Variants in FGGY observed in about 807,000 individuals in gnomAD.
FGGY encodes the protein FGGY carbohydrate kinase domain-containing protein.
In FGGY, 72 loss-of-function variants were observed where a neutral mutation model predicts 71.3. The ratio of observed to expected loss-of-function variants is 1.01; its 90% confidence interval spans 0.84 to 1.23. The LOEUF (loss-of-function observed/expected upper bound fraction) is 1.23. Among genes scored for constraint, FGGY ranks in the 50% most tolerant of loss-of-function variants. The pLI is 0.00. For synonymous variants in FGGY, 251 were observed against 250.3 expected (o/e 1.00, Z -0.02); for missense variants, 668 against 682.3 (o/e 0.98, Z 0.23).
chr1:59,456,929 C>T, intron 5 of FGGY, 32 bp from the exon 6 acceptor site: 1 of 1,502,928 alleles, frequency 6.7e-7, no homozygotes, highest in Non-Finnish European at 9.3e-7. Context: ...CTCATATGGT[C>T]AGTTCTATCT....
At chr1:59,474,310 C>G (rs1205760866) in intron 6 of FGGY, 1 of 152,218 alleles carries the variant, frequency 6.6e-6, no homozygotes, top group Non-Finnish European at 1.5e-5. Context: ...ACTTCTCTTC[C>G]TACTGCTGGA....
intron 11 of FGGY, among the ~76,000 whole-genome samples, chr1:59,648,770 A>C (rs2097126126): frequency 6.6e-6 from 1 of 151,750 alleles, no homozygotes; most frequent in East Asian, 1.9e-4. Context: ...CCCATTTGTC[A>C]ATTTTGGCTT....
chr1:59,625,879 G>A (rs762608336), intron 9 of FGGY, 109 bp from the exon 10 acceptor site: 53 of 768,058 alleles, frequency 6.9e-5, no homozygotes, highest in Middle Eastern at 3.7e-4. Context: ...CTTGGAACCC[G>A]TATGGACAAA....
chr1:59,323,543 T>C (rs980938259), intron 2 of FGGY, among the ~76,000 whole-genome samples: 2 of 152,168 alleles, frequency 1.3e-5, no homozygotes, highest in Admixed American at 6.5e-5. Flanking sequence ...GGGAAGCATT[T>C]TTATGTTAGA....
intron 11 of FGGY, among the ~76,000 whole-genome samples, chr1:59,645,207 A>G (rs925496969): frequency 3.3e-5 from 5 of 152,210 alleles, no homozygotes; most frequent in African/African-American, 1.2e-4. Context: ...TGATCTGCTC[A>G]TGAGGAAGCA....
intron 8 of FGGY, among the ~76,000 whole-genome samples, chr1:59,555,101 T>C (rs1308741677): frequency 6.6e-6 from 1 of 152,198 alleles, no homozygotes; most frequent in Non-Finnish European, 1.5e-5. Flanking sequence ...TCAGTTGATA[T>C]AAATACATGT....
chr1:59,733,469 G>GTT (rs71677996), intron 14 of FGGY, among the ~76,000 whole-genome samples: 4 of 83,746 alleles, frequency 4.8e-5, no homozygotes, highest in African/African-American at 1.4e-4. Context: ...TTGTTTTTTT[G>GTT]TTTTGTTTTG....
upstream of FGGY, chr1:59,297,055 G>GCCTCCTCCTCCCCTT (rs990725308): frequency 1.3e-5 from 2 of 150,156 alleles, no homozygotes; most frequent in African/African-American, 5.3e-5. Context: ...CTCCTCCCCT[G>GCCTCCTCCTCCCCTT]CCTCCTCCTC....
intron 14 of FGGY, among the ~76,000 whole-genome samples, chr1:59,674,531 A>G (rs1209651561): frequency 6.6e-6 from 1 of 152,188 alleles, no homozygotes. Flanking sequence ...GAAGGCCTCT[A>G]TCAACAAGAG....
At chr1:59,367,216 G>A (rs183150523) in intron 4 of FGGY, among the ~76,000 whole-genome samples, 1 of 152,326 alleles carries the variant, frequency 6.6e-6, no homozygotes, top group Admixed American at 6.5e-5. Context: ...TTCTGTCTCT[G>A]TGCATGGGAG....
intron 6 of FGGY, among the ~76,000 whole-genome samples, chr1:59,459,053 C>A (rs924251090): frequency 6.6e-6 from 1 of 152,140 alleles, no homozygotes; most frequent in African/African-American, 2.4e-5. Flanking sequence ...GAGCATTGAG[C>A]GTCCTGGATT....
chr1:59,334,439 C>A (rs190015548), intron 2 of FGGY, among the ~76,000 whole-genome samples: 1 of 152,124 alleles, frequency 6.6e-6, no homozygotes, highest in African/African-American at 2.4e-5. Flanking sequence ...CCATTGCACC[C>A]GGCCCCCACT....
intron 4 of FGGY, among the ~76,000 whole-genome samples, chr1:59,372,682 C>G (rs1055976508): frequency 4.6e-5 from 7 of 152,122 alleles, no homozygotes; most frequent in African/African-American, 1.7e-4. Context: ...CAAACTGAAT[C>G]CAGCACCACA....
intron 14 of FGGY, among the ~76,000 whole-genome samples, chr1:59,738,091 A>C (rs183146738): frequency 1.3e-5 from 2 of 152,338 alleles, no homozygotes; most frequent in East Asian, 3.9e-4. Flanking sequence ...CCTATTCAAA[A>C]AGAAGAACCT....
intron 7 of FGGY, among the ~76,000 whole-genome samples, chr1:59,542,986 G>C (rs1166167907): frequency 6.6e-6 from 1 of 152,168 alleles, no homozygotes; most frequent in East Asian, 1.9e-4. Context: ...CAGGTGTCAA[G>C]AGCAGGTGCA....
chr1:59,727,958 G>A (rs1222250074), intron 14 of FGGY, among the ~76,000 whole-genome samples: 1 of 151,966 alleles, frequency 6.6e-6, no homozygotes, highest in Non-Finnish European at 1.5e-5. Context: ...GGGTTTCTTT[G>A]TAGGCCTTAT....
intron 7 of FGGY, among the ~76,000 whole-genome samples, chr1:59,542,896 C>T (rs746723569): frequency 1.3e-5 from 2 of 152,156 alleles, no homozygotes; most frequent in Non-Finnish European, 2.9e-5. Flanking sequence ...CTCACAGGCA[C>T]TCATTCCCTA....
At chr1:59,498,230 GGA>G (rs1402995275) in intron 6 of FGGY, among the ~76,000 whole-genome samples, 1 of 146,410 alleles carries the variant, frequency 6.8e-6, no homozygotes, top group Non-Finnish European at 1.5e-5. Flanking sequence ...TTACAAATGA[GGA>G]GAAGTAGGCT....
intron 5 of FGGY, among the ~76,000 whole-genome samples, chr1:59,419,606 G>A (rs888848003): frequency 6.6e-6 from 1 of 152,150 alleles, no homozygotes; most frequent in Non-Finnish European, 1.5e-5. Flanking sequence ...ACTCGCTGTG[G>A]CCTTGGAAGA....
Sources: gnomAD v4.1 joint callset for allele counts (sites outside exome capture counted in the v4.1 genomes callset) on GRCh38, gnomAD v4.1.1 for gene constraint, MANE v1.5 for transcripts, NCBI Gene and HGNC (gene_info 2026-07-23, HGNC 2026-07-21) for gene names.